Variants in RHBDD1 observed in about 807,000 individuals in gnomAD.
The protein encoded by RHBDD1 is rhomboid-related protein 4.
RHBDD1 carries 38 observed loss-of-function variants against 36.3 expected under a neutral mutation model. The observed-to-expected ratio is 1.05, with a 90% confidence interval of 0.81 to 1.37. The LOEUF (loss-of-function observed/expected upper bound fraction) is 1.37. Ranked by LOEUF, RHBDD1 falls within the 40% of genes most tolerant of loss-of-function variation. The pLI is 0.00. For missense variants in RHBDD1, 393 were observed against 377.6 expected (o/e 1.04, Z -0.34); for synonymous variants, 151 against 136.5 (o/e 1.11, Z -0.74).
chr2:226,881,089 G>A (rs1945687796), intron 5 of RHBDD1, among the ~76,000 whole-genome samples: 1 of 152,148 alleles, frequency 6.6e-6, no homozygotes, highest in South Asian at 2.1e-4. Flanking sequence ...GGGGAAGCAA[G>A]GCAACAGGAA....
chr2:226,840,958 A>G (rs1436964198), intron 3 of RHBDD1, among the ~76,000 whole-genome samples: 1 of 152,012 alleles, frequency 6.6e-6, no homozygotes, highest in Non-Finnish European at 1.5e-5. Context: ...TTAAAAATAT[A>G]TTACTGATAC....
chr2:226,892,710 C>G (rs1337004794), intron 5 of RHBDD1, among the ~76,000 whole-genome samples: 2 of 152,122 alleles, frequency 1.3e-5, no homozygotes, highest in African/African-American at 4.8e-5. Context: ...AAATGTTTTT[C>G]TTATTGGCCC....
At chr2:226,939,914 T>G (rs1162177753) in intron 8 of RHBDD1, among the ~76,000 whole-genome samples, 1 of 152,066 alleles carries the variant, frequency 6.6e-6, no homozygotes, top group Non-Finnish European at 1.5e-5. Context: ...GGCACAAGAA[T>G]AGACACATAG....
At chr2:226,980,939 G>T (rs191312557) in intron 8 of RHBDD1, among the ~76,000 whole-genome samples, 5 of 152,092 alleles carry the variant, frequency 3.3e-5, no homozygotes, top group Non-Finnish European at 7.4e-5. Context: ...ATATCTCTCC[G>T]TAGCAGAGAC....
intron 8 of RHBDD1, among the ~76,000 whole-genome samples, chr2:226,919,590 C>T (rs1949163374): frequency 6.6e-6 from 1 of 151,946 alleles, no homozygotes; most frequent in Admixed American, 6.6e-5. Flanking sequence ...TCCTTTCCCC[C>T]AGTGTATTCT....
chr2:226,810,260 C>CGG, the RHBDD1 span, among the ~76,000 whole-genome samples: 1 of 151,910 alleles, frequency 6.6e-6, no homozygotes, highest in Non-Finnish European at 1.5e-5. Flanking sequence ...TGAGTATTGA[C>CGG]GGGGCATGGT....
At chr2:226,885,184 T>A (rs998136657) in intron 5 of RHBDD1, among the ~76,000 whole-genome samples, 4 of 152,172 alleles carry the variant, frequency 2.6e-5, no homozygotes, top group Non-Finnish European at 5.9e-5. Flanking sequence ...AAATTGTTAC[T>A]CTTGAGGTTT....
intron 3 of RHBDD1, among the ~76,000 whole-genome samples, chr2:226,841,688 A>G (rs1941651970): frequency 6.6e-6 from 1 of 152,084 alleles, no homozygotes; most frequent in South Asian, 2.1e-4. Context: ...TTCTTTATCC[A>G]TCTATCATTG....
intron 8 of RHBDD1, among the ~76,000 whole-genome samples, chr2:226,920,407 G>A (rs1261626852): frequency 6.6e-6 from 1 of 152,026 alleles, no homozygotes; most frequent in Non-Finnish European, 1.5e-5. Flanking sequence ...GCTCTAGCTA[G>A]GACTTTCAGT....
intron 5 of RHBDD1, among the ~76,000 whole-genome samples, chr2:226,872,471 G>A (rs866275892): frequency 1.3e-5 from 2 of 152,120 alleles, no homozygotes; most frequent in South Asian, 4.1e-4. Context: ...CTATTATTAA[G>A]AGTTTAGAAG....
intron 6 of RHBDD1, chr2:226,908,582 TAC>T (rs10559846): frequency 0.22 from 74,065 of 340,022 alleles, 1,624 homozygotes; most frequent in African/African-American, 0.24. Flanking sequence ...CATTTTCCAC[TAC>T]ACACACACAC....
rs1946990104 is a variant in RHBDD1 at position 226,895,075 on chromosome 2, A to T, written c.567-11718A>T. 2.6e-5 allele frequency among the ~76,000 whole-genome samples: 4 copies of T among 152,220 alleles called. No homozygotes were observed. In the South Asian group the frequency reaches 8.3e-4, roughly 32 times the overall value. The stretch of plus-strand genomic sequence containing the variant: ...AGGCTGGAGAGGCAGACAGAAGTCC[A>T]TGAAGAGCCTAACAAATCTTGCTTG... On this transcript the variant is annotated intron_variant, in intron 5 of 8. Transcript: ENST00000392062.
At chr2:226,908,248 A>G (rs1948214296) in intron 6 of RHBDD1, 1 of 152,210 alleles carries the variant, frequency 6.6e-6, no homozygotes, top group South Asian at 2.1e-4. Context: ...AACCCCATGG[A>G]AAACGACCCA....
At chr2:226,883,411 G>A (rs1171207597) in intron 5 of RHBDD1, among the ~76,000 whole-genome samples, 1 of 152,236 alleles carries the variant, frequency 6.6e-6, no homozygotes, top group East Asian at 1.9e-4. Context: ...CAGCCATGGA[G>A]GACTCCTGCT....
At position 226,863,552 on chromosome 2, in the gene RHBDD1, A is replaced by G. The variant is rs1944048000; in HGVS notation, c.-90-1052A>G. The stretch of plus-strand genomic sequence containing the variant: ...AATTAGGCTGGGCTCAGCGAGACTC[A>G]CTTGTATACCTGTGGTCAGCTAGAC... On this transcript the variant is annotated intron_variant, in intron 3 of 8. Transcript: ENST00000392062. Among the ~76,000 whole-genome samples, 3 of 152,148 alleles carry G rather than the reference A, an allele frequency of 2.0e-5. 1 individual carries two copies. The South Asian group carries it at 6.2e-4, about 32-fold the overall frequency.
In RHBDD1 at chr2:226,887,039, GA is replaced by G. The variant is rs200149356; in HGVS notation, c.566+19727del. On this transcript the variant is annotated intron_variant, in intron 5 of 8. Transcript: ENST00000392062. Reference sequence around the variant, plus strand: ...GTGGCAGGTTTAATTAAGAAAATTAGAAAAAATACTTAAAACAGTAGATTTG... The same window carrying G: ...GTGGCAGGTTTAATTAAGAAAATTAGAAAAATACTTAAAACAGTAGATTTG... Among the ~76,000 whole-genome samples, 145 of 152,206 alleles carry G rather than the reference GA, an allele frequency of 9.5e-4. 4 individuals are homozygous for G. In the East Asian group the frequency reaches 0.027, roughly 29 times the overall value.
chr2:226,952,835 G>A (rs1369326878), intron 8 of RHBDD1, among the ~76,000 whole-genome samples: 1 of 151,892 alleles, frequency 6.6e-6, no homozygotes, highest in Non-Finnish European at 1.5e-5. Context: ...GGGGTGGAGG[G>A]AACTAGTAAG....
chr2:226,911,291 A>G (rs776815364), intron 7 of RHBDD1, among the ~76,000 whole-genome samples: 1 of 152,096 alleles, frequency 6.6e-6, no homozygotes, highest in Admixed American at 6.6e-5. Context: ...GGCTTTCCAC[A>G]TGGGTTTGAA....
In RHBDD1 at chr2:226,996,232, C is replaced by G. The variant is rs1575616003; in HGVS notation, c.*710C>G. On this transcript the variant is annotated 3_prime_UTR_variant, in exon 9 of 9. Coordinates refer to ENST00000392062, the MANE Select transcript of RHBDD1 (RefSeq NM_001167608.3). ...GTTCCCAGCCCCTTCCCAGTGGCAG[C>G]TTGTGTGTCCAGGAGATAGGACATC... The G allele has an allele frequency of 6.6e-6, 1 of 152,412 alleles. No homozygotes were observed. The highest frequency in any genetic ancestry group is 2.4e-5 in the African/African-American group (1 of 41,462). 9.4% of individuals were successfully genotyped at this position (152,412 alleles called of 1,614,324 possible).
Sources: allele counts gnomAD v4.1 joint callset (sites outside exome capture counted in the v4.1 genomes callset), GRCh38; gene constraint gnomAD v4.1.1; transcripts MANE v1.5; gene names NCBI Gene and HGNC (gene_info 2026-07-23, HGNC 2026-07-21).